TMEM184B: variants seen among roughly 807,000 people sequenced by gnomAD.
TMEM184B encodes the protein transmembrane protein 184B.
TMEM184B carries 17 observed loss-of-function variants against 41.8 expected under a neutral mutation model. That is an observed-to-expected ratio of 0.41 (90% confidence interval 0.28 to 0.61). The LOEUF (loss-of-function observed/expected upper bound fraction) is 0.61. TMEM184B is among the 20% of genes least tolerant of loss of function. TMEM184B has a pLI of 0.34. For synonymous variants in TMEM184B, 240 were observed against 229.5 expected (o/e 1.05, Z -0.41); for missense variants, 393 against 557.8 (o/e 0.70, Z 2.98).
intron 1 of TMEM184B, among the ~76,000 whole-genome samples, chr22:38,251,639 AC>A (rs2092165158): frequency 6.6e-6 from 1 of 152,042 alleles, no homozygotes; most frequent in Admixed American, 6.6e-5. Context: ...CTGGATTCTG[AC>A]CCTTTCACAC....
intron 3 of TMEM184B, among the ~76,000 whole-genome samples, chr22:38,233,475 G>A (rs895470607): frequency 6.6e-6 from 1 of 152,216 alleles, no homozygotes; most frequent in Non-Finnish European, 1.5e-5. Context: ...TCTATCTGCT[G>A]CCTGCAGGGC....
intron 1 of TMEM184B, among the ~76,000 whole-genome samples, chr22:38,264,573 C>T (rs2092417929): frequency 6.6e-6 from 1 of 152,196 alleles, no homozygotes; most frequent in South Asian, 2.1e-4. Flanking sequence ...GGCTCTGCTC[C>T]TGGGTCCATC....
In TMEM184B at chr22:38,273,002, C is replaced by A; in HGVS notation, c.-177G>T. 1 of 175,014 alleles carries A rather than the reference C, an allele frequency of 5.7e-6. No individual in the cohort carries two copies. Among genetic ancestry groups the A allele is most frequent in the Non-Finnish European group, 1.1e-5 (1 of 89,706 alleles). 10.8% of individuals were successfully genotyped at this position (175,014 alleles called of 1,614,324 possible). Reference sequence around the variant, plus strand: ...CGCCGCCGCCGGCGCGTCCCGGGCCCAGTGGAGTGCAGCCGCGGCGCGCAT... The same window carrying A: ...CGCCGCCGCCGGCGCGTCCCGGGCCAAGTGGAGTGCAGCCGCGGCGCGCAT... On this transcript the variant is annotated 5_prime_UTR_variant, in exon 1 of 9. Coordinates refer to ENST00000361906, the MANE Select transcript of TMEM184B (RefSeq NM_012264.5).
At chr22:38,249,243 G>A (rs1372095218) in intron 1 of TMEM184B, among the ~76,000 whole-genome samples, 14 of 152,084 alleles carry the variant, frequency 9.2e-5, no homozygotes, top group Admixed American at 6.6e-4. Flanking sequence ...TCCGCCTCCC[G>A]GGCTCAAGAA....
Position 38,246,049 on chromosome 22 carries a change from C to G in TMEM184B, c.244G>C (p.Val82Leu), listed in dbSNP as rs748878115. The change falls in exon 3 of 9, where the codon GTG (valine) becomes CTG (leucine). Residue 82 changes from valine to leucine, a missense_variant. Val to Leu is a conservative substitution (Grantham distance 32). Around this residue, in one of 2 missense-constraint regions of TMEM184B, gnomAD observed 122 missense variants for 123.7 expected, o/e 0.99. Transcript: ENST00000361906. ...ATGGGCACGATGAAGAGGATGCGCA[C>G]GATGTAGCGCTGCTCGTTGGGGCAG... ...YSCPNEQRYIVRILFIVPIYA... is the reference protein window; with the variant it reads ...YSCPNEQRYILRILFIVPIYA... The G allele has an allele frequency of 6.2e-7, 1 of 1,613,208 alleles. No homozygotes were observed. Among genetic ancestry groups the G allele is most frequent in the East Asian group, 2.2e-5 (1 of 44,892 alleles).
intron 8 of TMEM184B, chr22:38,222,488 G>A: frequency 1.9e-6 from 1 of 530,826 alleles, no homozygotes; most frequent in Non-Finnish European, 2.4e-6. Flanking sequence ...TCTACAGAGG[G>A]TGGCCCTTGA....
chr22:38,261,607 TTGA>T (rs892442827), intron 1 of TMEM184B, among the ~76,000 whole-genome samples: 2 of 152,296 alleles, frequency 1.3e-5, no homozygotes, highest in South Asian at 2.1e-4. Flanking sequence ...AGTCCTAATT[TTGA>T]TGATCTCAGT....
chr22:38,228,141 C>A (rs1212824122), intron 5 of TMEM184B, among the ~76,000 whole-genome samples: 1 of 152,188 alleles, frequency 6.6e-6, no homozygotes, highest in Non-Finnish European at 1.5e-5. Context: ...TACGGAGAGG[C>A]CCGCGTGATG....
At position 38,245,378 on chromosome 22, in the gene TMEM184B, T is replaced by C. The variant is rs542715431; in HGVS notation, c.358+557A>G. On this transcript the variant is annotated intron_variant, in intron 3 of 8. Coordinates refer to ENST00000361906, the MANE Select transcript of TMEM184B (RefSeq NM_012264.5). ...CAGGTGGAGGGCCCTTGCTTCCAGG[T>C]ACCTGCCTGAGACGCCAGCATTGAG... is the stretch of plus-strand genomic sequence containing the variant. Among the ~76,000 whole-genome samples the C allele has an allele frequency of 2.6e-3, 334 of 126,738 alleles. 1 individual carries two copies. The highest frequency in any genetic ancestry group is 9.5e-3 in the African/African-American group (324 of 34,202). 83.1% of individuals were successfully genotyped at this position (126,738 alleles called of 152,430 possible).
downstream of TMEM184B, among the ~76,000 whole-genome samples, chr22:38,217,097 C>T (rs894014585): frequency 4.6e-5 from 7 of 151,928 alleles, no homozygotes; most frequent in Non-Finnish European, 5.9e-5. Context: ...GAGGCTGAGG[C>T]GGGTGGATCA....
chr22:38,269,030 A>T (rs1226898988), intron 1 of TMEM184B, among the ~76,000 whole-genome samples: 1 of 152,274 alleles, frequency 6.6e-6, no homozygotes, highest in Non-Finnish European at 1.5e-5. Context: ...CCCATCTTAC[A>T]GATGAAGGAA....
chr22:38,256,249 G>A (rs2092277034), intron 1 of TMEM184B, among the ~76,000 whole-genome samples: 1 of 148,734 alleles, frequency 6.7e-6, no homozygotes, highest in Non-Finnish European at 1.5e-5. Context: ...GTCTCACTCT[G>A]TCACCCAGGC....
At chr22:38,233,301 G>A (rs952836897) in intron 3 of TMEM184B, among the ~76,000 whole-genome samples, 14 of 152,202 alleles carry the variant, frequency 9.2e-5, no homozygotes, top group African/African-American at 2.9e-4. Context: ...ATACAGCAGA[G>A]GTATGCGATG....
At chr22:38,236,781 C>T (rs559271134) in intron 3 of TMEM184B, among the ~76,000 whole-genome samples, 6 of 152,272 alleles carry the variant, frequency 3.9e-5, no homozygotes, top group East Asian at 3.9e-4. Flanking sequence ...TGAGCCACTG[C>T]GCCTGGCCTA....
chr22:38,221,230 G>A lies in TMEM184B; in HGVS notation c.*239C>T. ...CAGGGGCATAAGCCTTGCTCCCAGT[G>A]TCCTCTGCCCTCGCCCGGGCAGTGC... On this transcript the variant is annotated 3_prime_UTR_variant, in exon 9 of 9. Coordinates refer to ENST00000361906, the MANE Select transcript of TMEM184B (RefSeq NM_012264.5). The A allele has an allele frequency of 1.5e-6, 2 of 1,378,508 alleles. No individual in the cohort carries two copies. The highest frequency in any genetic ancestry group is 2.7e-4 in the Middle Eastern group (1 of 3,706). 85.4% of individuals were successfully genotyped at this position (1,378,508 alleles called of 1,614,324 possible).
chr22:38,263,479 G>A (rs750393747), intron 1 of TMEM184B, among the ~76,000 whole-genome samples: 1 of 152,148 alleles, frequency 6.6e-6, no homozygotes. Context: ...GGCACAGTGC[G>A]TTGAGCGTCC....
intron 8 of TMEM184B, among the ~76,000 whole-genome samples, chr22:38,224,424 T>C (rs1052509204): frequency 1.3e-5 from 2 of 152,162 alleles, no homozygotes; most frequent in African/African-American, 4.8e-5. Context: ...AGAAGTATCC[T>C]TTTTTTAAAA....
In TMEM184B at chr22:38,219,633, C is replaced by G; in HGVS notation, c.*1836G>C. ...CACGACCCCACGGACCGCTGATTCC[C>G]TGCCACTGAGCTCCCCCCACCCTCC... On this transcript the variant is annotated 3_prime_UTR_variant, in exon 9 of 9. Transcript: ENST00000361906. The G allele has an allele frequency of 1.0e-6, 1 of 985,522 alleles. No homozygotes were observed. The highest frequency in any genetic ancestry group is 1.2e-6 in the Non-Finnish European group (1 of 829,942). The allele number at this position is 985,522 out of a possible 1,614,324, so 61.0% of individuals were successfully genotyped here.
At chr22:38,267,399 T>C (rs1022911400) in intron 1 of TMEM184B, among the ~76,000 whole-genome samples, 5 of 151,286 alleles carry the variant, frequency 3.3e-5, no homozygotes, top group Admixed American at 2.0e-4. Context: ...CACCGGCTCC[T>C]GGAATAACCA....
Sources: allele counts gnomAD v4.1 joint callset (sites outside exome capture counted in the v4.1 genomes callset), GRCh38; gene constraint gnomAD v4.1.1; regional missense constraint gnomAD v4.1.1; transcripts MANE v1.5; gene names NCBI Gene and HGNC (gene_info 2026-07-23, HGNC 2026-07-21).